The following TARS3 variants were observed in gnomAD, a reference collection of about 807,000 sequenced individuals.
TARS3 encodes threonine--tRNA ligase 2, cytoplasmic.
TARS3 carries 94 observed loss-of-function variants against 103.5 expected under a neutral mutation model. The observed-to-expected ratio is 0.91, with a 90% CI of 0.77 to 1.08. The LOEUF (loss-of-function observed/expected upper bound fraction) is 1.08. TARS3 is among the 50% of genes least tolerant of loss of function. The probability of loss-of-function intolerance (pLI) is 0.00; values close to 1 mark genes in which losing one functional copy is unlikely to be tolerated. For synonymous variants in TARS3, 416 were observed against 355.4 expected (o/e 1.17, Z -1.92); for missense variants, 952 against 995.2 (o/e 0.96, Z 0.58).
At chr15:101,657,069 T>C (rs764144531) in intron 17 of TARS3, 33 bp from the exon 18 acceptor site, 3 of 1,404,700 alleles carry the variant, frequency 2.1e-6, no homozygotes, top group Non-Finnish European at 3.0e-6. Context: ...TACTGTTACA[T>C]TATGGTACCT....
chr15:101,675,598 A>T lies in TARS3; in HGVS notation c.1788+2T>A. The T allele has an allele frequency of 6.2e-7, 1 of 1,612,344 alleles. No homozygotes were observed. Among genetic ancestry groups the T allele is most frequent in the Non-Finnish European group, 8.5e-7 (1 of 1,179,462 alleles). On this transcript the variant is annotated splice_donor_variant, in intron 13 of 18. Coordinates refer to ENST00000335968, the MANE Select transcript of TARS3 (RefSeq NM_152334.3). LOFTEE classifies it high-confidence loss of function. Reference sequence around the variant, plus strand: ...AGAGGAAGCACAAGGTGTGTCTCTTACCTTCTCAGCCTCATTCCACATCTC... The same window carrying T: ...AGAGGAAGCACAAGGTGTGTCTCTTTCCTTCTCAGCCTCATTCCACATCTC...
rs1404844552 is a variant in TARS3, at chr15:101,704,042, T to C, written c.996-105A>G. On this transcript the variant is annotated intron_variant, in intron 7 of 18. Transcript: ENST00000335968. The stretch of plus-strand genomic sequence containing the variant: ...TTTTAGGTAGAGCTTCACTTATTTA[T>C]ATGTAGCAATGCCATTTTTAATTTA... 4.1e-6 allele frequency: 3 copies of C among 726,142 alleles called. No homozygotes were observed. The East Asian group carries it at 8.6e-5, about 21-fold the overall frequency. The allele number at this position is 726,142 out of a possible 1,614,324, so 45.0% of individuals were successfully genotyped here.
intron 12 of TARS3, among the ~76,000 whole-genome samples, chr15:101,683,132 TTTTC>T (rs1298240138): frequency 6.6e-6 from 1 of 152,186 alleles, no homozygotes; most frequent in East Asian, 1.9e-4. Context: ...CTCTTTCTTA[TTTTC>T]TTTCTTTTGC....
At chr15:101,722,988 ATAATT>A (rs1439647774) in intron 2 of TARS3, 100 bp downstream of exon 2, 6 of 1,099,708 alleles carry the variant, frequency 5.5e-6, no homozygotes, top group East Asian at 2.5e-5. Flanking sequence ...GACCCAAATA[ATAATT>A]TAATCAGTAA....
chr15:101,698,776 T>C (rs1276102150), intron 10 of TARS3, among the ~76,000 whole-genome samples: 1 of 152,214 alleles, frequency 6.6e-6, no homozygotes, highest in African/African-American at 2.4e-5. Flanking sequence ...TAGGCCTGAT[T>C]CAGAAGATGT....
chr15:101,714,687 C>A, intron 4 of TARS3, 153 bp downstream of exon 4: 1 of 482,584 alleles, frequency 2.1e-6, no homozygotes, highest in Non-Finnish European at 3.4e-6. Flanking sequence ...TACATTCATG[C>A]CACAAATATT....
chr15:101,709,490 T>C (rs1055636848), intron 5 of TARS3, among the ~76,000 whole-genome samples: 1 of 152,178 alleles, frequency 6.6e-6, no homozygotes, highest in Non-Finnish European at 1.5e-5. Context: ...GCCTGGAACC[T>C]TCTCCCTGCA....
chr15:101,660,651 A>G (rs1897341872), intron 16 of TARS3, among the ~76,000 whole-genome samples: 1 of 152,188 alleles, frequency 6.6e-6, no homozygotes. Flanking sequence ...ACCACTGGCT[A>G]TTACCCCAGG....
intron 18 of TARS3, chr15:101,656,044 G>A: frequency 7.8e-7 from 1 of 1,289,182 alleles, no homozygotes. Flanking sequence ...GAATAAGGTA[G>A]ATATTCAAGA....
At chr15:101,702,442 T>C in intron 8 of TARS3, 57 bp from the exon 9 acceptor site, 1 of 1,413,496 alleles carries the variant, frequency 7.1e-7, no homozygotes, top group Non-Finnish European at 1.0e-6. Flanking sequence ...TAAGTAAAAC[T>C]GCTCTTAAAT....
intron 16 of TARS3, among the ~76,000 whole-genome samples, chr15:101,659,866 G>C (rs983974749): frequency 1.3e-5 from 2 of 152,168 alleles, no homozygotes; most frequent in Non-Finnish European, 2.9e-5. Flanking sequence ...AATATACACA[G>C]ACTCTCTAGC....
chr15:101,724,153 G>T lies in TARS3; in HGVS notation c.235C>A (p.Arg79=). Residue 79 remains arginine (R), a synonymous_variant, in exon 1 of 19, where the codon CGG becomes AGG. Coordinates refer to ENST00000335968, the MANE Select transcript of TARS3 (RefSeq NM_152334.3). ...CSLRLCLAEE[R]SRQATLESAE... is the part of the protein sequence containing the mutation. Reference sequence around the variant, plus strand: ...CTCTCCAGCGTGGCCTGGCGGCTCCGCTCCTCGGCGAGGCACAGCCGCAGG... The same window carrying T: ...CTCTCCAGCGTGGCCTGGCGGCTCCTCTCCTCGGCGAGGCACAGCCGCAGG... 6.8e-7 allele frequency: 1 copy of T among 1,468,880 alleles called. No homozygotes were observed. Among genetic ancestry groups the T allele is most frequent in the Admixed American group, 2.3e-5 (1 of 43,832 alleles). 91.0% of individuals were successfully genotyped at this position (1,468,880 alleles called of 1,614,324 possible).
chr15:101,703,868 T>G lies in TARS3; in HGVS notation c.1065A>C (p.Lys355Asn), dbSNP rs756445138. 1 of 1,611,736 alleles carries G rather than the reference T, an allele frequency of 6.2e-7. No individual in the cohort carries two copies. Among genetic ancestry groups the G allele is most frequent in the Non-Finnish European group, 8.5e-7 (1 of 1,178,506 alleles). The change falls in exon 8 of 19, where the codon AAA (lysine) becomes AAC (asparagine). Residue 355 changes from lysine to asparagine, a missense_variant. Physicochemically the swap from Lys to Asn is moderately conservative, Grantham distance 94 (BLOSUM62 0). Transcript: ENST00000335968. ...AAAAATCAATCCTTACCTTAAAAAT[T>G]TTGATGGTTTTAATTTTTCCAGTGT... Reference protein sequence around the residue: ...VRHTGKIKTIKIFKNSSTYWE... With the variant: ...VRHTGKIKTINIFKNSSTYWE...
At chr15:101,697,496 G>C (rs1235945307) in intron 10 of TARS3, among the ~76,000 whole-genome samples, 1 of 152,100 alleles carries the variant, frequency 6.6e-6, no homozygotes, top group Non-Finnish European at 1.5e-5. Flanking sequence ...AAGAAAAGAG[G>C]TATAAACCAA....
At position 101,708,365 on chromosome 15, in the gene TARS3, C is replaced by T. The variant is rs145797835; in HGVS notation, c.930+428G>A. The stretch of plus-strand genomic sequence containing the variant: ...ATAAAATCAGGAATATATTTAAGTA[C>T]GTTGGTCAAAAAAATATAAAGAGAA... On this transcript the variant is annotated intron_variant, in intron 6 of 18. Transcript: ENST00000335968. 7.8e-3 allele frequency among the ~76,000 whole-genome samples: 1,151 copies of T among 147,598 alleles called. 12 individuals are homozygous for T. The highest frequency in any genetic ancestry group is 0.012 in the Non-Finnish European group (782 of 67,316).
At chr15:101,710,454 T>C (rs1018811646) in intron 5 of TARS3, among the ~76,000 whole-genome samples, 6 of 152,226 alleles carry the variant, frequency 3.9e-5, no homozygotes, top group African/African-American at 9.6e-5. Context: ...GGCATCTGAA[T>C]TGGGGCCAGT....
chr15:101,657,056 C>T lies in TARS3; in HGVS notation c.2146-20G>A. On this transcript the variant is annotated intron_variant, in intron 17 of 18. Coordinates refer to ENST00000335968, the MANE Select transcript of TARS3 (RefSeq NM_152334.3). Reference sequence around the variant, plus strand: ...GGATACCTAGAAGAAAATGAAACACCTTTACTGTTACATTATGGTACCTAG... The same window carrying T: ...GGATACCTAGAAGAAAATGAAACACTTTTACTGTTACATTATGGTACCTAG... The T allele has an allele frequency of 3.4e-6, 5 of 1,486,828 alleles. No homozygotes were observed. Among genetic ancestry groups the T allele is most frequent in the Non-Finnish European group, 4.7e-6 (5 of 1,066,928 alleles). The allele number at this position is 1,486,828 out of a possible 1,614,324, so 92.1% of individuals were successfully genotyped here.
At chr15:101,668,175 A>G (rs481945) in intron 15 of TARS3, among the ~76,000 whole-genome samples, 3,686 of 152,290 alleles carry the variant, frequency 0.024, 134 homozygotes, top group African/African-American at 0.075. Context: ...CTTTTGGCCT[A>G]TCTGGGCTTT....
intron 4 of TARS3, among the ~76,000 whole-genome samples, chr15:101,712,708 AC>A (rs1899929376): frequency 6.6e-6 from 1 of 152,210 alleles, no homozygotes; most frequent in South Asian, 2.1e-4. Context: ...TTATGGATAA[AC>A]TGAAATTAAC....
Sources: allele counts gnomAD v4.1 joint callset (sites outside exome capture counted in the v4.1 genomes callset), GRCh38; gene constraint gnomAD v4.1.1; transcripts MANE v1.5; gene names NCBI Gene and HGNC (gene_info 2026-07-23, HGNC 2026-07-21).